FBXL7: variants seen among roughly 807,000 people sequenced by gnomAD.
FBXL7 encodes F-box/LRR-repeat protein 7.
A neutral mutation model predicts 38.3 loss-of-function variants in FBXL7; 12 were observed. That is an observed-to-expected ratio of 0.31 (90% confidence interval 0.20 to 0.51). The LOEUF is 0.51. Ranked by LOEUF, FBXL7 falls within the 20% of genes least tolerant of loss-of-function variation. FBXL7 has a pLI of 0.98. For synonymous variants in FBXL7, 297 were observed against 300.9 expected, an observed-to-expected ratio of 0.99 and a Z score of 0.13; for missense variants, 567 against 676.4, an observed-to-expected ratio of 0.84 and a Z score of 1.79.
At chr5:15,815,543 T>C (rs1737991061) in intron 2 of FBXL7, among the ~76,000 whole-genome samples, 1 of 152,166 alleles carries the variant, frequency 6.6e-6, no homozygotes, top group Non-Finnish European at 1.5e-5. Flanking sequence ...CTGCTGCTGA[T>C]GGGAAAATTC....
chr5:15,916,406 G>A (rs761903633), intron 2 of FBXL7, among the ~76,000 whole-genome samples: 1 of 152,136 alleles, frequency 6.6e-6, no homozygotes, highest in East Asian at 1.9e-4. Flanking sequence ...TCGAATTTGG[G>A]GAGTCATTAG....
At chr5:15,902,962 C>T (rs899501515) in intron 2 of FBXL7, among the ~76,000 whole-genome samples, 3 of 152,204 alleles carry the variant, frequency 2.0e-5, no homozygotes, top group African/African-American at 4.8e-5. Flanking sequence ...TCCAACCCAC[C>T]ACGGGTCTGG....
intron 2 of FBXL7, among the ~76,000 whole-genome samples, chr5:15,739,472 G>A (rs983785795): frequency 1.3e-5 from 2 of 152,090 alleles, no homozygotes; most frequent in Admixed American, 6.6e-5. Context: ...TTGTACAACC[G>A]TCACCACAAT....
intron 1 of FBXL7, among the ~76,000 whole-genome samples, chr5:15,516,105 TGA>T (rs1736928933): frequency 6.6e-6 from 1 of 152,212 alleles, no homozygotes; most frequent in African/African-American, 2.4e-5. Context: ...TCTTTTTTTT[TGA>T]TACACCGAGT....
chr5:15,631,277 A>G (rs1240037794), intron 2 of FBXL7, among the ~76,000 whole-genome samples: 1 of 152,244 alleles, frequency 6.6e-6, no homozygotes, highest in Non-Finnish European at 1.5e-5. Flanking sequence ...AATTATATGT[A>G]TATGTTGAAT....
chr5:15,516,201 C>G (rs1370015267), intron 1 of FBXL7, among the ~76,000 whole-genome samples: 1 of 152,134 alleles, frequency 6.6e-6, no homozygotes, highest in Non-Finnish European at 1.5e-5. Context: ...TCAGTGTTCC[C>G]TAAACATACC....
intron 2 of FBXL7, among the ~76,000 whole-genome samples, chr5:15,874,261 A>C (rs1324849117): frequency 6.6e-6 from 1 of 152,178 alleles, no homozygotes; most frequent in Admixed American, 6.5e-5. Context: ...GTATTGATGA[A>C]ACATGTCTCA....
intron 2 of FBXL7, among the ~76,000 whole-genome samples, chr5:15,726,373 G>T (rs1744353214): frequency 6.6e-6 from 1 of 152,052 alleles, no homozygotes. Context: ...TGCTATGATA[G>T]TACCTGTGAG....
chr5:15,790,676 A>G (rs1291128176), intron 2 of FBXL7, among the ~76,000 whole-genome samples: 1 of 152,160 alleles, frequency 6.6e-6, no homozygotes, highest in Admixed American at 6.5e-5. Flanking sequence ...GTAGTTGAGA[A>G]TCTGTAATGC....
rs1162873970 is a variant in FBXL7, at chr5:15,939,020, C to T, written c.*1834C>T. The T allele has an allele frequency of 7.5e-6, 3 of 398,918 alleles. No homozygotes were observed. In the East Asian group the frequency reaches 1.1e-4, roughly 14 times the overall value. The allele number at this position is 398,918 out of a possible 1,614,324, so 24.7% of individuals were successfully genotyped here. ...GCTGAATTTGTCAAACTTAGACACC[C>T]TTGACAACTGCACTCCTACTGTAGG... On this transcript the variant is annotated 3_prime_UTR_variant, in exon 4 of 4. Transcript: ENST00000504595.
At chr5:15,776,119 T>TA (rs1736852159) in intron 2 of FBXL7, among the ~76,000 whole-genome samples, 1 of 151,892 alleles carries the variant, frequency 6.6e-6, no homozygotes, top group Admixed American at 6.6e-5. Flanking sequence ...AGTAAATAAA[T>TA]AAAAAATCTG....
chr5:15,737,677 G>A (rs550930901), intron 2 of FBXL7, among the ~76,000 whole-genome samples: 1 of 152,324 alleles, frequency 6.6e-6, no homozygotes, highest in South Asian at 2.1e-4. Context: ...TCGTGGAGAT[G>A]TGGCCACACT....
At chr5:15,628,620 A>G (rs533925758) in intron 2 of FBXL7, among the ~76,000 whole-genome samples, 131 of 152,348 alleles carry the variant, frequency 8.6e-4, no homozygotes, top group African/African-American at 3.0e-3. Context: ...TAACACGTCC[A>G]TAATATTCAA....
At chr5:15,592,054 C>T (rs1739494570) in intron 1 of FBXL7, among the ~76,000 whole-genome samples, 1 of 152,140 alleles carries the variant, frequency 6.6e-6, no homozygotes, top group Non-Finnish European at 1.5e-5. Flanking sequence ...AGGAGGGTCA[C>T]TCTAAATCCC....
chr5:15,834,966 T>C (rs184799220), intron 2 of FBXL7, among the ~76,000 whole-genome samples: 99 of 152,352 alleles, frequency 6.5e-4, no homozygotes, highest in African/African-American at 2.1e-3. Flanking sequence ...AAGCTATGTG[T>C]TAATCACATA....
At chr5:15,873,787 C>T (rs948596686) in intron 2 of FBXL7, among the ~76,000 whole-genome samples, 1 of 152,084 alleles carries the variant, frequency 6.6e-6, no homozygotes, top group Non-Finnish European at 1.5e-5. Flanking sequence ...GCCTACCAAC[C>T]AAAAGAGGCC....
chr5:15,859,852 A>C (rs1195905804), intron 2 of FBXL7, among the ~76,000 whole-genome samples: 2 of 152,206 alleles, frequency 1.3e-5, no homozygotes, highest in Admixed American at 1.3e-4. Flanking sequence ...TTTTACAGAT[A>C]AAGAACCTGA....
At chr5:15,744,603 G>T in intron 2 of FBXL7, among the ~76,000 whole-genome samples, 1 of 152,026 alleles carries the variant, frequency 6.6e-6, no homozygotes, top group East Asian at 1.9e-4. Context: ...CCCTCCAAAT[G>T]GTTCTAAGCT....
intron 2 of FBXL7, among the ~76,000 whole-genome samples, chr5:15,634,313 C>CTTTTTTTTTTT (rs57823645): frequency 8.0e-5 from 9 of 112,274 alleles, no homozygotes; most frequent in Non-Finnish European, 1.1e-4. Context: ...ATGTTCGTTT[C>CTTTTTTTTTTT]TTTTTTTTTT....
Sources: gnomAD v4.1 joint callset for allele counts (sites outside exome capture counted in the v4.1 genomes callset) on GRCh38, gnomAD v4.1.1 for gene constraint, MANE v1.5 for transcripts, NCBI Gene and HGNC (gene_info 2026-07-23, HGNC 2026-07-21) for gene names.